The following GASK1A variants were observed in gnomAD, a reference collection of about 807,000 sequenced individuals.
GASK1A encodes golgi associated kinase 1A.
A neutral mutation model predicts 41.2 loss-of-function variants in GASK1A; 40 were observed. The ratio of observed to expected loss-of-function variants is 0.97; its 90% CI spans 0.75 to 1.27. The LOEUF is 1.27. Among genes scored for constraint, GASK1A ranks in the 50% most tolerant of loss-of-function variants. The pLI is 0.00. For synonymous variants in GASK1A, 316 were observed against 307.1 expected (o/e 1.03, Z -0.30); for missense variants, 678 against 745.1 (o/e 0.91, Z 1.05).
At chr3:43,022,667 G>A (rs1410457043) in intron 1 of GASK1A, among the ~76,000 whole-genome samples, 3 of 152,202 alleles carry the variant, frequency 2.0e-5, no homozygotes, top group African/African-American at 7.2e-5. Flanking sequence ...CTAGGTTGTT[G>A]TGAGGATTAA....
At chr3:42,980,489 C>T (rs898807987) in intron 1 of GASK1A, among the ~76,000 whole-genome samples, 1 of 152,190 alleles carries the variant, frequency 6.6e-6, no homozygotes, top group African/African-American at 2.4e-5. Context: ...CGTGCCTGCT[C>T]GCCTCTTCCC....
intron 2 of GASK1A, among the ~76,000 whole-genome samples, chr3:43,039,446 G>A (rs1372075635): frequency 2.0e-5 from 3 of 152,180 alleles, no homozygotes; most frequent in Admixed American, 6.5e-5. Context: ...CAGGTGATCC[G>A]CCTGCTTCGG....
At chr3:42,993,295 T>A (rs1044695650) in intron 1 of GASK1A, among the ~76,000 whole-genome samples, 2 of 152,232 alleles carry the variant, frequency 1.3e-5, no homozygotes, top group African/African-American at 4.8e-5. Flanking sequence ...GACCTGTGAC[T>A]TTGTCACCAA....
Position 43,032,719 on chromosome 3 carries a change from C to A in GASK1A, c.456C>A (p.Gly152=). The change falls in exon 2 of 5, where the codon GGC becomes GGA. Residue 152 remains glycine (G), a synonymous_variant. Coordinates refer to ENST00000430121, the MANE Select transcript of GASK1A (RefSeq NM_001129908.3). ...EVGDPGTKDL[G]HPQHGSPIQE... ...GAGATCCAGGAACCAAAGACCTGGGCCACCCCCAGCATGGCAGTCCCATCC... is the reference window on the plus strand; with the variant it reads ...GAGATCCAGGAACCAAAGACCTGGGACACCCCCAGCATGGCAGTCCCATCC... 1 of 1,551,528 alleles carries A rather than the reference C, an allele frequency of 6.4e-7. No individual in the cohort carries two copies. Among genetic ancestry groups the A allele is most frequent in the South Asian group, 1.2e-5 (1 of 84,056 alleles).
chr3:43,001,913 C>CT (rs1384266940), intron 1 of GASK1A, among the ~76,000 whole-genome samples: 2 of 152,190 alleles, frequency 1.3e-5, no homozygotes, highest in Non-Finnish European at 2.9e-5. Context: ...CAACCACCCT[C>CT]TTTCCCACCC....
intron 1 of GASK1A, among the ~76,000 whole-genome samples, chr3:42,999,981 C>T (rs936053229): frequency 9.9e-5 from 15 of 152,202 alleles, no homozygotes; most frequent in African/African-American, 4.8e-5. Context: ...GCCTCTAATA[C>T]GGACACTTGT....
intron 1 of GASK1A, among the ~76,000 whole-genome samples, chr3:42,990,646 A>G (rs834177): frequency 0.51 from 77,343 of 152,040 alleles, 20,657 homozygotes; most frequent in East Asian, 0.76. Context: ...TGTCTACTTA[A>G]TGACAGTCAT....
At position 43,013,859 on chromosome 3, in the gene GASK1A, G is replaced by T. The variant is rs887839010; in HGVS notation, c.4-18408G>T. On this transcript the variant is annotated intron_variant, in intron 1 of 4. Transcript: ENST00000430121. Reference sequence around the variant, plus strand: ...AGGAAGTGGCAGTGTGAGTTCACAGGCAGGGGCTTTGTGAAACCACAGGAA... The same window carrying T: ...AGGAAGTGGCAGTGTGAGTTCACAGTCAGGGGCTTTGTGAAACCACAGGAA... 4.7e-5 allele frequency among the ~76,000 whole-genome samples: 5 copies of T among 105,680 alleles called. No individual in the cohort carries two copies. The East Asian group carries it at 9.8e-4, about 21-fold the overall frequency. 69.3% of individuals were successfully genotyped at this position (105,680 alleles called of 152,430 possible).
chr3:42,985,582 T>TGG (rs1203045119), intron 1 of GASK1A, among the ~76,000 whole-genome samples: 5 of 146,362 alleles, frequency 3.4e-5, no homozygotes, highest in South Asian at 2.2e-4. Flanking sequence ...TGTGTGTGTG[T>TGG]GTGTGGGCGG....
At chr3:43,024,371 G>A (rs2089536162) in intron 1 of GASK1A, among the ~76,000 whole-genome samples, 1 of 152,160 alleles carries the variant, frequency 6.6e-6, no homozygotes, top group Non-Finnish European at 1.5e-5. Flanking sequence ...CTCGCAATTT[G>A]CCTGCCCATC....
chr3:43,035,413 A>G (rs893977690), intron 2 of GASK1A, among the ~76,000 whole-genome samples: 11 of 152,186 alleles, frequency 7.2e-5, no homozygotes, highest in African/African-American at 2.7e-4. Context: ...CAAACAAGGA[A>G]GGTTGGTCAT....
chr3:43,000,768 A>C (rs1196957166), intron 1 of GASK1A, among the ~76,000 whole-genome samples: 1 of 152,222 alleles, frequency 6.6e-6, no homozygotes, highest in Non-Finnish European at 1.5e-5. Flanking sequence ...TTAACTGTAC[A>C]GTCATTCAAC....
chr3:43,022,296 G>T (rs1322524260), intron 1 of GASK1A, among the ~76,000 whole-genome samples: 1 of 152,144 alleles, frequency 6.6e-6, no homozygotes, highest in East Asian at 1.9e-4. Flanking sequence ...GCTCATGGCC[G>T]TTTTGAACTT....
intron 2 of GASK1A, among the ~76,000 whole-genome samples, chr3:43,045,864 T>G (rs1243885222): frequency 3.3e-5 from 5 of 152,232 alleles, no homozygotes; most frequent in Non-Finnish European, 5.9e-5. Flanking sequence ...TGGTAGTTCC[T>G]CCTGCATTCA....
Position 43,032,878 on chromosome 3 carries a change from A to T in GASK1A, c.615A>T (p.Gly205=). 6.4e-7 allele frequency: 1 copy of T among 1,550,420 alleles called. No individual in the cohort carries two copies. The highest frequency in any genetic ancestry group is 8.7e-7 in the Non-Finnish European group (1 of 1,147,000). Residue 205 remains glycine (G), a synonymous_variant, in exon 2 of 5, where the codon GGA becomes GGT. Transcript: ENST00000430121. ...CAGCAGAAGGCAGGGATCTGCTGGG[A>T]GCTGAGAACAGAGCCTTGACTGGTG... The part of the protein sequence containing the change: ...PHTAEGRDLL[G]AENRALTGGQ...
At chr3:42,987,702 A>C (rs1002191428) in intron 1 of GASK1A, among the ~76,000 whole-genome samples, 1 of 152,122 alleles carries the variant, frequency 6.6e-6, no homozygotes. Context: ...TAATCACAAG[A>C]GTAGGATAGA....
chr3:42,981,585 C>T (rs138002998), intron 1 of GASK1A, among the ~76,000 whole-genome samples: 4 of 152,252 alleles, frequency 2.6e-5, no homozygotes, highest in African/African-American at 9.6e-5. Flanking sequence ...CAGGCTGCCC[C>T]CATCCCCCAG....
intron 2 of GASK1A, among the ~76,000 whole-genome samples, chr3:43,040,063 C>T (rs190283080): frequency 3.1e-4 from 47 of 152,190 alleles, no homozygotes; most frequent in Admixed American, 9.8e-4. Flanking sequence ...CTGATTTTTA[C>T]GTTCGTGTGT....
Position 42,988,675 on chromosome 3 carries a change from G to A in GASK1A, c.3+9030G>A, listed in dbSNP as rs561546526. Among the ~76,000 whole-genome samples, 5 of 152,278 alleles carry A rather than the reference G, an allele frequency of 3.3e-5. No individual in the cohort carries two copies. In the East Asian group the frequency reaches 5.8e-4, roughly 18 times the overall value. Reference sequence around the variant, plus strand: ...GAGCATGCCATGCAGCGGGGCTCCCGGGCTGCATGGGGCACACTCTTCTGA... The same window carrying A: ...GAGCATGCCATGCAGCGGGGCTCCCAGGCTGCATGGGGCACACTCTTCTGA... On this transcript the variant is annotated intron_variant, in intron 1 of 4. Coordinates refer to ENST00000430121, the MANE Select transcript of GASK1A (RefSeq NM_001129908.3).
Sources: allele counts gnomAD v4.1 joint callset (sites outside exome capture counted in the v4.1 genomes callset), GRCh38; gene constraint gnomAD v4.1.1; transcripts MANE v1.5; gene names NCBI Gene and HGNC (gene_info 2026-07-23, HGNC 2026-07-21).